MYT1L: variants seen among roughly 807,000 people sequenced by gnomAD.
The protein encoded by MYT1L is myelin transcription factor 1-like protein.
MYT1L carries 12 observed loss-of-function variants against 126.7 expected under a neutral mutation model. That is an observed-to-expected ratio of 0.09 (90% confidence interval 0.06 to 0.15). The LOEUF (loss-of-function observed/expected upper bound fraction) is 0.15, where lower values mean the gene tolerates loss of function less well. Among genes scored for constraint, MYT1L ranks in the 10% least tolerant of loss-of-function variants. The pLI, the probability that MYT1L is intolerant of heterozygous loss-of-function variation, is 1.00. For missense variants in MYT1L, 979 were observed against 1,585.2 expected (o/e 0.62, Z 6.49); for synonymous variants, 541 against 604.2 (o/e 0.90, Z 1.53).
chr2:1,908,062 G>A (rs909432891), intron 13 of MYT1L, among the ~76,000 whole-genome samples: 2 of 152,228 alleles, frequency 1.3e-5, no homozygotes, highest in Non-Finnish European at 2.9e-5. Context: ...CCCTGTCCTG[G>A]CCTGGTTCCC....
chr2:2,284,304 C>T (rs1329552240), intron 2 of MYT1L, 100 bp downstream of exon 2: 2 of 152,016 alleles, frequency 1.3e-5, no homozygotes, highest in Non-Finnish European at 2.9e-5. Flanking sequence ...CCCAGTTGCC[C>T]GAATTCTAAA....
chr2:1,851,118 T>C (rs2043209656), intron 19 of MYT1L, among the ~76,000 whole-genome samples: 1 of 152,226 alleles, frequency 6.6e-6, no homozygotes, highest in African/African-American at 2.4e-5. Flanking sequence ...TTATCTCACA[T>C]GATGAAATCT....
intron 8 of MYT1L, among the ~76,000 whole-genome samples, chr2:1,976,127 A>AG (rs1480266018): frequency 6.6e-6 from 1 of 151,694 alleles, no homozygotes; most frequent in Non-Finnish European, 1.5e-5. Flanking sequence ...ACCAAAAAAA[A>AG]AAAAAAAAAA....
intron 4 of MYT1L, among the ~76,000 whole-genome samples, chr2:2,005,993 T>C (rs536601107): frequency 4.7e-5 from 7 of 149,032 alleles, no homozygotes; most frequent in Admixed American, 4.6e-4. Flanking sequence ...CCTGCATGCG[T>C]TCTTTCCTGC....
intron 1 of MYT1L, among the ~76,000 whole-genome samples, chr2:2,308,515 C>A (rs2095895436): frequency 6.6e-6 from 1 of 151,840 alleles, no homozygotes; most frequent in African/African-American, 2.4e-5. Context: ...TCTACATATA[C>A]CTTGCCTACA....
intron 1 of MYT1L, among the ~76,000 whole-genome samples, chr2:2,306,330 G>T (rs2095858588): frequency 6.6e-6 from 1 of 152,148 alleles, no homozygotes; most frequent in Admixed American, 6.5e-5. Context: ...TGTTTTTTAA[G>T]TGGTATCAAA....
At chr2:2,155,302 A>C (rs894486239) in intron 3 of MYT1L, among the ~76,000 whole-genome samples, 2 of 152,230 alleles carry the variant, frequency 1.3e-5, no homozygotes, top group Non-Finnish European at 2.9e-5. Flanking sequence ...GATAGCACAG[A>C]TGGGACTCAG....
intron 2 of MYT1L, among the ~76,000 whole-genome samples, chr2:2,214,565 T>C (rs1190054938): frequency 6.6e-6 from 1 of 152,200 alleles, no homozygotes; most frequent in Non-Finnish European, 1.5e-5. Context: ...GAACACCATC[T>C]TTAAAGTACT....
intron 1 of MYT1L, among the ~76,000 whole-genome samples, chr2:2,329,470 A>AAAG (rs57856213): frequency 1.3e-5 from 2 of 152,032 alleles, no homozygotes; most frequent in African/African-American, 4.8e-5. Context: ...ACTGATTCTT[A>AAAG]TAGTCCTCTG....
intron 3 of MYT1L, among the ~76,000 whole-genome samples, chr2:2,098,382 G>C (rs1438099972): frequency 6.6e-6 from 1 of 152,210 alleles, no homozygotes; most frequent in Non-Finnish European, 1.5e-5. Flanking sequence ...CCTGTCTTAA[G>C]TCACACAGTG....
At chr2:2,177,885 T>C (rs1190266803) in intron 2 of MYT1L, among the ~76,000 whole-genome samples, 1 of 152,090 alleles carries the variant, frequency 6.6e-6, no homozygotes, top group Non-Finnish European at 1.5e-5. Flanking sequence ...GGGCATGTCT[T>C]ATATTTACAT....
intron 3 of MYT1L, among the ~76,000 whole-genome samples, chr2:2,142,136 T>C (rs931059577): frequency 6.6e-5 from 10 of 152,314 alleles, no homozygotes; most frequent in African/African-American, 2.4e-4. Context: ...TACACGGCTG[T>C]TGTCCCCCTT....
At chr2:2,229,803 T>C (rs1312130347) in intron 2 of MYT1L, among the ~76,000 whole-genome samples, 3 of 152,186 alleles carry the variant, frequency 2.0e-5, no homozygotes, top group Non-Finnish European at 4.4e-5. Flanking sequence ...TGTGTAAAAC[T>C]GCACAGCTAG....
intron 21 of MYT1L, among the ~76,000 whole-genome samples, chr2:1,810,920 T>C (rs2036521843): frequency 6.6e-6 from 1 of 152,164 alleles, no homozygotes; most frequent in South Asian, 2.1e-4. Flanking sequence ...CCTGACTGTG[T>C]CCCCTGAAAA....
chr2:1,960,543 C>T (rs2058877068), intron 8 of MYT1L, among the ~76,000 whole-genome samples: 2 of 152,218 alleles, frequency 1.3e-5, no homozygotes, highest in African/African-American at 4.8e-5. Flanking sequence ...GAAAATAAGA[C>T]TGATACTGCC....
chr2:1,981,689 T>C (rs1389370376), intron 5 of MYT1L, among the ~76,000 whole-genome samples: 2 of 152,052 alleles, frequency 1.3e-5, no homozygotes, highest in East Asian at 1.9e-4. Context: ...TTCTTGAGCA[T>C]GGGGAGGACG....
intron 3 of MYT1L, among the ~76,000 whole-genome samples, chr2:2,114,228 C>T (rs2079901565): frequency 6.6e-6 from 1 of 152,170 alleles, no homozygotes. Context: ...CTGGTATAGA[C>T]TAGAAATAGA....
At chr2:2,011,159 C>G (rs985598756) in intron 4 of MYT1L, among the ~76,000 whole-genome samples, 1 of 152,136 alleles carries the variant, frequency 6.6e-6, no homozygotes, top group Non-Finnish European at 1.5e-5. Context: ...GATGCCAAGG[C>G]GGGTGGATCA....
intron 4 of MYT1L, among the ~76,000 whole-genome samples, chr2:2,040,508 G>A (rs911379861): frequency 2.0e-5 from 3 of 152,104 alleles, no homozygotes; most frequent in African/African-American, 7.2e-5. Flanking sequence ...AAGTTCCCTC[G>A]TAGAGCAATG....
Sources: allele counts gnomAD v4.1 joint callset (sites outside exome capture counted in the v4.1 genomes callset), GRCh38; gene constraint gnomAD v4.1.1; transcripts MANE v1.5; gene names NCBI Gene and HGNC (gene_info 2026-07-23, HGNC 2026-07-21).